The following TOM1 variants were observed in gnomAD, a reference collection of about 807,000 sequenced individuals.
TOM1 encodes the protein target of myb1 membrane trafficking protein.
Under a neutral mutation model 61.3 loss-of-function variants are expected in TOM1, and 38 were observed. The observed-to-expected ratio is 0.62, with a 90% CI of 0.48 to 0.81. The LOEUF is 0.81. TOM1 is among the 40% of genes least tolerant of loss of function. The pLI is 0.00. For missense variants in TOM1, 591 were observed against 659.6 expected (o/e 0.90, Z 1.14); for synonymous variants, 270 against 268.8 (o/e 1.00, Z -0.04).
chr22:35,325,741 A>G (rs1308536505), intron 6 of TOM1, among the ~76,000 whole-genome samples: 1 of 152,206 alleles, frequency 6.6e-6, no homozygotes, highest in East Asian at 1.9e-4. Context: ...GAAGTCTAGC[A>G]TCTGTGTGGA....
At chr22:35,346,769 C>T (rs114628428) in intron 13 of TOM1, among the ~76,000 whole-genome samples, 161 bp from the exon 14 acceptor site, 5,532 of 152,216 alleles carry the variant, frequency 0.036, 135 homozygotes, top group Non-Finnish European at 0.046. Context: ...CAGGGAGGAG[C>T]CCAGGTCCAG....
rs2071745 is a variant in TOM1 at position 35,347,131 on chromosome 22, G to A, written c.1401G>A (p.Gly467=). 34 of 1,613,178 alleles carry A rather than the reference G, an allele frequency of 2.1e-5. No homozygotes were observed. Among genetic ancestry groups the A allele is most frequent in the Non-Finnish European group, 2.9e-5 (34 of 1,179,640 alleles). ...ACCTCTCCAGCCCCTCAGCTGAGGG[G>A]CCCCCGGGTCCCCCATCTGGCCCAG... ...LPNLSSPSAE[G]PPGPPSGPAP... Residue 467 remains glycine, a synonymous_variant, in exon 15 of 15, where the codon GGG becomes GGA. Coordinates refer to ENST00000449058, the MANE Select transcript of TOM1 (RefSeq NM_005488.3).
At position 35,341,081 on chromosome 22, in the gene TOM1, C is replaced by T. The variant is rs936253092; in HGVS notation, c.1224+2293C>T. Among the ~76,000 whole-genome samples the T allele has an allele frequency of 2.6e-5, 4 of 152,196 alleles. No individual in the cohort carries two copies. In the East Asian group the frequency reaches 5.8e-4, roughly 22 times the overall value. ...CCAGTCAGAGACTCCAGTCCTTTTT[C>T]GGGTGTAAGCCATCATTTGCTGAGC... On this transcript the variant is annotated intron_variant, in intron 12 of 14. Coordinates refer to ENST00000449058, the MANE Select transcript of TOM1 (RefSeq NM_005488.3).
At chr22:35,307,278 C>G (rs753799675) in intron 1 of TOM1, among the ~76,000 whole-genome samples, 36 of 152,142 alleles carry the variant, frequency 2.4e-4, no homozygotes, top group Non-Finnish European at 4.7e-4. Context: ...AAAATTTGAC[C>G]TCATCCTATA....
chr22:35,300,015 G>T, intron 1 of TOM1, 35 bp downstream of exon 1: 1 of 1,553,176 alleles, frequency 6.4e-7, no homozygotes, highest in Non-Finnish European at 8.7e-7. Flanking sequence ...CTCCGCCCCG[G>T]TGCTCCGCAC....
In TOM1 at chr22:35,347,222, G is replaced by A. The variant is rs762563338; in HGVS notation, c.*13G>A. On this transcript the variant is annotated 3_prime_UTR_variant, in exon 15 of 15. Transcript: ENST00000449058. ...GTTTGCCTTATGAGTGTGGGGTCTG[G>A]CACCCTGCAGCCCAGGTCCCCACTG... The A allele has an allele frequency of 3.8e-6, 6 of 1,588,420 alleles. No homozygotes were observed. In the South Asian group the frequency reaches 5.6e-5, roughly 15 times the overall value.
intron 1 of TOM1, among the ~76,000 whole-genome samples, chr22:35,306,636 A>G (rs1426285355): frequency 2.0e-5 from 3 of 152,120 alleles, no homozygotes; most frequent in Non-Finnish European, 2.9e-5. Context: ...TAATAATAGC[A>G]CCTATCAGAT....
intron 2 of TOM1, among the ~76,000 whole-genome samples, chr22:35,318,904 G>C (rs1166508627): frequency 6.6e-6 from 1 of 152,226 alleles, no homozygotes; most frequent in East Asian, 1.9e-4. Context: ...AGCCCGGGAG[G>C]GCTTTGCGTG....
At chr22:35,343,872 TAC>T (rs1423489400) in intron 12 of TOM1, among the ~76,000 whole-genome samples, 4 of 122,258 alleles carry the variant, frequency 3.3e-5, no homozygotes, top group African/African-American at 1.3e-4. Flanking sequence ...ATACCACCCC[TAC>T]ACACTCATAC....
chr22:35,332,564 T>TA (rs1181235434), intron 8 of TOM1, among the ~76,000 whole-genome samples: 1 of 147,260 alleles, frequency 6.8e-6, no homozygotes, highest in Non-Finnish European at 1.5e-5. Context: ...GTATCTTTCT[T>TA]ACAGCACTGA....
chr22:35,306,898 G>A (rs1441706498), intron 1 of TOM1, among the ~76,000 whole-genome samples: 1 of 152,200 alleles, frequency 6.6e-6, no homozygotes, highest in Admixed American at 6.5e-5. Context: ...CAGGCTGTGG[G>A]GAGGAGCAGA....
Position 35,299,905 on chromosome 22 carries a change from TTGGTGGC to T in TOM1, c.-23_-17del. Reference sequence around the variant, plus strand: ...GGTTGCTGTCAGCTGATTCCCGGGGTTGGTGGCAGCGGCGGTAGCAGCAATGGACTTT... The same window carrying T: ...GGTTGCTGTCAGCTGATTCCCGGGGTAGCGGCGGTAGCAGCAATGGACTTT... On this transcript the variant is annotated 5_prime_UTR_variant, in exon 1 of 15. Coordinates refer to ENST00000449058, the MANE Select transcript of TOM1 (RefSeq NM_005488.3). The T allele has an allele frequency of 1.9e-6, 3 of 1,570,386 alleles. No homozygotes were observed. Among genetic ancestry groups the T allele is most frequent in the Admixed American group, 1.8e-5 (1 of 54,668 alleles).
chr22:35,313,719 G>A (rs1189389352), intron 1 of TOM1, among the ~76,000 whole-genome samples: 1 of 152,226 alleles, frequency 6.6e-6, no homozygotes, highest in African/African-American at 2.4e-5. Flanking sequence ...AGCCCTCCAG[G>A]GAGGTGGTAT....
At position 35,322,000 on chromosome 22, in the gene TOM1, G is replaced by A. The variant is rs1569026440; in HGVS notation, c.179G>A (p.Gly60Glu). The change falls in exon 3 of 15, where the codon GGG becomes GAG. Residue 60 changes from glycine (G) to glutamate (E), a missense_variant. By Grantham distance (98) the Gly-to-Glu change is moderately conservative (BLOSUM62 -2). Transcript: ENST00000449058. ...CGAGCAGTAAAGAAGAGAATCGTGG[G>A]GAATAAGAACTTCCACGAGGTGATG... ...ALRAVKKRIVGNKNFHEVMLA... is the reference protein window; with the variant it reads ...ALRAVKKRIVENKNFHEVMLA... 6.2e-7 allele frequency: 1 copy of A among 1,614,158 alleles called. No individual in the cohort carries two copies. The highest frequency in any genetic ancestry group is 8.5e-7 in the Non-Finnish European group (1 of 1,180,026).
upstream of TOM1, chr22:35,299,644 T>C: frequency 2.0e-6 from 1 of 488,786 alleles, no homozygotes; most frequent in East Asian, 4.1e-5. Flanking sequence ...CCCTAAAAGG[T>C]CAGGGGCGTG....
At chr22:35,327,049 C>T (rs1391681502) in intron 6 of TOM1, among the ~76,000 whole-genome samples, 3 of 152,080 alleles carry the variant, frequency 2.0e-5, no homozygotes, top group African/African-American at 2.4e-5. Context: ...GAGATGGTAA[C>T]GGTTGGTAGC....
At chr22:35,324,708 C>A (rs1283385271) in intron 6 of TOM1, among the ~76,000 whole-genome samples, 1 of 152,160 alleles carries the variant, frequency 6.6e-6, no homozygotes, top group Non-Finnish European at 1.5e-5. Flanking sequence ...GCCACCATGC[C>A]CAGCTAATTT....
intron 1 of TOM1, among the ~76,000 whole-genome samples, chr22:35,306,958 T>C (rs550257238): frequency 6.6e-6 from 1 of 152,134 alleles, no homozygotes; most frequent in African/African-American, 2.4e-5. Context: ...ATAGAACTGG[T>C]GAATAGGTTT....
chr22:35,331,685 A>G (rs1928855813), intron 8 of TOM1, among the ~76,000 whole-genome samples: 1 of 152,178 alleles, frequency 6.6e-6, no homozygotes, highest in Non-Finnish European at 1.5e-5. Context: ...GGAGTTTGCA[A>G]CCAGCCAGGC....
Sources: gnomAD v4.1 joint callset for allele counts (sites outside exome capture counted in the v4.1 genomes callset) on GRCh38, gnomAD v4.1.1 for gene constraint, MANE v1.5 for transcripts, NCBI Gene and HGNC (gene_info 2026-07-23, HGNC 2026-07-21) for gene names.